ADAMTS19: variants seen among roughly 807,000 people sequenced by gnomAD.
ADAMTS19 encodes the protein ADAM metallopeptidase with thrombospondin type 1 motif 19.
Under a neutral mutation model 153.3 loss-of-function variants are expected in ADAMTS19, and 93 were observed. That is an observed-to-expected ratio of 0.61 (90% confidence interval 0.51 to 0.72). ADAMTS19 has a LOEUF of 0.72. Among genes scored for constraint, ADAMTS19 ranks in the 30% least tolerant of loss-of-function variants. The pLI is 0.00. For missense variants in ADAMTS19, 1,482 were observed against 1,552.1 expected, an observed-to-expected ratio of 0.95 and a Z score of 0.76; for synonymous variants, 600 against 556.6, an observed-to-expected ratio of 1.08 and a Z score of -1.10.
At chr5:129,491,080 C>T (rs1223131679) in intron 2 of ADAMTS19, among the ~76,000 whole-genome samples, 2 of 152,150 alleles carry the variant, frequency 1.3e-5, no homozygotes, top group Non-Finnish European at 2.9e-5. Context: ...CAGCTCACTG[C>T]AAGCTCCACC....
rs1554103336 is a variant in ADAMTS19, at chr5:129,658,347, A to AGAGAGAGAGAGAGAGAG, written c.2305-270_2305-269insGAGAGAGAGAGAGAGAG. On this transcript the variant is annotated intron_variant, in intron 14 of 22. Transcript: ENST00000274487. ...AAAGAAAGAAAGAAAGAAAGAAAGA[A>AGAGAGAGAGAGAGAGAG]AGAAAGAAAGAAAGAAAGAAAGAGA... is the stretch of plus-strand genomic sequence containing the variant. Among the ~76,000 whole-genome samples, 12 of 116,064 alleles carry AGAGAGAGAGAGAGAGAG rather than the reference A, an allele frequency of 1.0e-4. 1 individual carries two copies. The highest frequency in any genetic ancestry group is 4.0e-4 in the African/African-American group (11 of 27,216). 76.1% of individuals were successfully genotyped at this position (116,064 alleles called of 152,430 possible).
At chr5:129,708,297 G>C (rs146776743) in intron 21 of ADAMTS19, among the ~76,000 whole-genome samples, 373 of 152,202 alleles carry the variant, frequency 2.5e-3, no homozygotes, top group African/African-American at 8.5e-3. Flanking sequence ...CTTTGCCCTG[G>C]CTTGCATTAA....
chr5:129,649,688 C>T (rs1014150795), intron 13 of ADAMTS19, among the ~76,000 whole-genome samples: 1 of 151,974 alleles, frequency 6.6e-6, no homozygotes, highest in Non-Finnish European at 1.5e-5. Flanking sequence ...GATAAAATGG[C>T]GTACAGCTAT....
chr5:129,464,188 A>G (rs1047935699), intron 2 of ADAMTS19, among the ~76,000 whole-genome samples: 6 of 152,236 alleles, frequency 3.9e-5, no homozygotes, highest in African/African-American at 1.4e-4. Context: ...GATGCAATAG[A>G]GAGAAATGAT....
chr5:129,725,710 G>A (rs1757179533), intron 21 of ADAMTS19, among the ~76,000 whole-genome samples: 1 of 151,978 alleles, frequency 6.6e-6, no homozygotes, highest in Non-Finnish European at 1.5e-5. Context: ...GGGAGGGAGA[G>A]TCCCACTTCT....
At chr5:129,532,116 G>A (rs1752228750) in intron 6 of ADAMTS19, among the ~76,000 whole-genome samples, 1 of 151,630 alleles carries the variant, frequency 6.6e-6, no homozygotes, top group African/African-American at 2.4e-5. Context: ...TCTTAGATAG[G>A]GTAAAAAAAA....
At chr5:129,643,736 T>A (rs1055685997) in intron 11 of ADAMTS19, among the ~76,000 whole-genome samples, 3 of 152,200 alleles carry the variant, frequency 2.0e-5, no homozygotes, top group Admixed American at 1.3e-4. Flanking sequence ...CTGTGCCAAA[T>A]ATTTCCTATA....
At chr5:129,558,778 C>T (rs902973166) in intron 7 of ADAMTS19, among the ~76,000 whole-genome samples, 1 of 151,958 alleles carries the variant, frequency 6.6e-6, no homozygotes, top group Non-Finnish European at 1.5e-5. Flanking sequence ...AATGCAGTTG[C>T]CTGTATTTGG....
intron 2 of ADAMTS19, among the ~76,000 whole-genome samples, chr5:129,498,474 T>C (rs1750995597): frequency 6.6e-6 from 1 of 152,192 alleles, no homozygotes; most frequent in East Asian, 1.9e-4. Flanking sequence ...TACTAAGTAT[T>C]ATAGCTATAT....
chr5:129,631,017 A>G (rs190248227), intron 10 of ADAMTS19, among the ~76,000 whole-genome samples: 3 of 152,148 alleles, frequency 2.0e-5, no homozygotes, highest in Non-Finnish European at 4.4e-5. Context: ...AATTAAAACC[A>G]TAAAGACCTA....
intron 7 of ADAMTS19, among the ~76,000 whole-genome samples, chr5:129,556,227 T>G (rs1372656961): frequency 6.6e-6 from 1 of 152,176 alleles, no homozygotes; most frequent in Non-Finnish European, 1.5e-5. Flanking sequence ...TTTTAACCCA[T>G]AAAAATATCA....
chr5:129,581,352 T>G (rs1404911615), intron 7 of ADAMTS19, among the ~76,000 whole-genome samples: 1 of 152,046 alleles, frequency 6.6e-6, no homozygotes, highest in Non-Finnish European at 1.5e-5. Context: ...GTCCAGGAAT[T>G]TATCTATTTC....
At chr5:129,539,952 G>A (rs1436511903) in intron 6 of ADAMTS19, among the ~76,000 whole-genome samples, 1 of 151,958 alleles carries the variant, frequency 6.6e-6, no homozygotes, top group Non-Finnish European at 1.5e-5. Flanking sequence ...AAGTGACCTA[G>A]TACCATTTGG....
At chr5:129,726,484 T>G (rs1757215277) in intron 21 of ADAMTS19, among the ~76,000 whole-genome samples, 1 of 151,984 alleles carries the variant, frequency 6.6e-6, no homozygotes, top group Admixed American at 6.6e-5. Flanking sequence ...TTGATACACA[T>G]GTGAAGAGCG....
At chr5:129,493,918 G>T (rs1750848101) in intron 2 of ADAMTS19, among the ~76,000 whole-genome samples, 1 of 151,696 alleles carries the variant, frequency 6.6e-6, no homozygotes, top group Admixed American at 6.6e-5. Flanking sequence ...CTCACATATT[G>T]TCTATTTCAT....
rs775893351 is a variant in ADAMTS19, at chr5:129,461,167, C to T, written c.157C>T (p.Pro53Ser). The T allele has an allele frequency of 7.2e-7, 1 of 1,384,978 alleles. No individual in the cohort carries two copies. The highest frequency in any genetic ancestry group is 1.7e-5 in the South Asian group (1 of 59,550). The allele number at this position is 1,384,978 out of a possible 1,614,324, so 85.8% of individuals were successfully genotyped here. Residue 53 changes from proline to serine, a missense_variant, in exon 2 of 23, where the codon CCG becomes TCG. This residue lies in a region of ADAMTS19 where 866 missense variants were observed against 827.7 expected (regional missense o/e 1.05). Transcript: ENST00000274487. This position sits in a 1 kb window ranked among gnomAD's most constrained non-coding sequence, Gnocchi z 4.6. The stretch of plus-strand genomic sequence containing the variant: ...GTTTCCTGCGCTCTGGCGCCGGGAG[C>T]CGGTGGACCCGGCTGGCGGCAGCGG... ...VVFPALWRRE[P>S]VDPAGGSGGS...
chr5:129,492,728 A>G (rs1220014707), intron 2 of ADAMTS19, among the ~76,000 whole-genome samples: 1 of 152,182 alleles, frequency 6.6e-6, no homozygotes, highest in African/African-American at 2.4e-5. Context: ...AAATAAATTC[A>G]AATCATAGTG....
chr5:129,726,840 G>A (rs545864095), intron 21 of ADAMTS19, among the ~76,000 whole-genome samples: 3 of 151,994 alleles, frequency 2.0e-5, no homozygotes, highest in South Asian at 2.1e-4. Flanking sequence ...CTCTCTCCCA[G>A]CTTTAATTTT....
intron 8 of ADAMTS19, among the ~76,000 whole-genome samples, chr5:129,600,550 T>A (rs1419437641): frequency 6.6e-6 from 1 of 152,114 alleles, no homozygotes; most frequent in Non-Finnish European, 1.5e-5. Flanking sequence ...CTAGAAATTC[T>A]CAGAACAAGT....
Sources: allele counts gnomAD v4.1 joint callset (sites outside exome capture counted in the v4.1 genomes callset), GRCh38; gene constraint gnomAD v4.1.1; regional missense constraint gnomAD v4.1.1; non-coding constraint Gnocchi (gnomAD v3.1); transcripts MANE v1.5; gene names NCBI Gene and HGNC (gene_info 2026-07-23, HGNC 2026-07-21).